TFB1M: variants seen among roughly 807,000 people sequenced by gnomAD.
TFB1M encodes the protein transcription factor B1, mitochondrial, also known as dimethyladenosine transferase 1, mitochondrial.
A neutral mutation model predicts 31.1 loss-of-function variants in TFB1M; 27 were observed. That is an observed-to-expected ratio of 0.87 (90% confidence interval 0.64 to 1.20). The LOEUF (loss-of-function observed/expected upper bound fraction) is 1.20. TFB1M is among the 50% of genes most tolerant of loss of function. TFB1M has a pLI of 0.00. For synonymous variants in TFB1M, 166 were observed against 151.8 expected, an observed-to-expected ratio of 1.09 and a Z score of -0.69; for missense variants, 394 against 418.7, an observed-to-expected ratio of 0.94 and a Z score of 0.51.
chr6:155,304,285 A>G (rs1355533890), intron 2 of TFB1M, among the ~76,000 whole-genome samples: 3 of 152,128 alleles, frequency 2.0e-5, no homozygotes, highest in Non-Finnish European at 4.4e-5. Flanking sequence ...TCTTGTCTCA[A>G]AAAACAAACA....
intron 5 of TFB1M, among the ~76,000 whole-genome samples, chr6:155,273,543 T>TC (rs1785036304): frequency 1.3e-5 from 2 of 152,240 alleles, no homozygotes; most frequent in South Asian, 4.1e-4. Context: ...ATTAACATCC[T>TC]CTACAGTCCT....
downstream of TFB1M, among the ~76,000 whole-genome samples, chr6:155,251,577 G>T (rs146227279): frequency 6.6e-6 from 1 of 152,168 alleles, no homozygotes; most frequent in Non-Finnish European, 1.5e-5. Context: ...ATTAGCCACC[G>T]TGCCTGGCCA....
intron 4 of TFB1M, among the ~76,000 whole-genome samples, chr6:155,295,173 T>C (rs1163918867): frequency 1.3e-5 from 2 of 152,140 alleles, no homozygotes. Context: ...GAGACCATCC[T>C]GGCTAACATG....
At position 155,291,957 on chromosome 6, in the gene TFB1M, G is replaced by A. The variant is rs113078899; in HGVS notation, c.546+4996C>T. Among the ~76,000 whole-genome samples, 996 of 152,266 alleles carry A rather than the reference G, an allele frequency of 6.5e-3. 15 individuals carry two copies. The highest frequency in any genetic ancestry group is 0.022 in the African/African-American group (930 of 41,550). On this transcript the variant is annotated intron_variant, in intron 4 of 6. Coordinates refer to ENST00000367166, the MANE Select transcript of TFB1M (RefSeq NM_016020.4). The stretch of plus-strand genomic sequence containing the variant: ...AGTCTATTGATTTCAAACAAATTCT[G>A]GCATTAAAAAGTTTTGTTCTGAAAC...
Position 155,305,270 on chromosome 6 carries a change from T to TTA in TFB1M, c.285+5916_285+5917dup, listed in dbSNP as rs1160760356. ...TTTATATATATATTAAATTATATAT[T>TTA]TATATATATATATTAAATTATATAT... is the stretch of plus-strand genomic sequence containing the variant. On this transcript the variant is annotated intron_variant, in intron 2 of 6. Coordinates refer to ENST00000367166, the MANE Select transcript of TFB1M (RefSeq NM_016020.4). 6.1e-4 allele frequency among the ~76,000 whole-genome samples: 17 copies of TTA among 27,886 alleles called. 5 individuals carry two copies. The highest frequency in any genetic ancestry group is 1.4e-3 in the African/African-American group (10 of 7,046). 18.3% of individuals were successfully genotyped at this position (27,886 alleles called of 152,430 possible).
chr6:155,275,221 A>T (rs1263681325), intron 5 of TFB1M, among the ~76,000 whole-genome samples: 1 of 152,132 alleles, frequency 6.6e-6, no homozygotes, highest in Admixed American at 6.6e-5. Context: ...GTGAGACTCC[A>T]TCTCAAAAAA....
chr6:155,306,033 T>C (rs1033338156), intron 2 of TFB1M, among the ~76,000 whole-genome samples: 1 of 151,468 alleles, frequency 6.6e-6, no homozygotes, highest in Non-Finnish European at 1.5e-5. Context: ...AAAGTAAAAG[T>C]ACTAAAAATA....
intron 2 of TFB1M, among the ~76,000 whole-genome samples, chr6:155,300,520 A>G (rs1431183300): frequency 6.6e-6 from 1 of 152,216 alleles, no homozygotes; most frequent in East Asian, 1.9e-4. Context: ...GGAAAACGCT[A>G]AAATTTTTTC....
chr6:155,275,671 A>C, intron 5 of TFB1M: 1 of 1,512,984 alleles, frequency 6.6e-7, no homozygotes, highest in South Asian at 1.2e-5. Flanking sequence ...GACAGCCATC[A>C]TTGTTAAACA....
chr6:155,292,079 G>C (rs915079895), intron 4 of TFB1M, among the ~76,000 whole-genome samples: 9 of 152,292 alleles, frequency 5.9e-5, no homozygotes, highest in Non-Finnish European at 1.2e-4. Context: ...AAGGAGATGA[G>C]CCTTAGATGC....
chr6:155,304,276 C>G (rs150685783), intron 2 of TFB1M, among the ~76,000 whole-genome samples: 2,055 of 152,162 alleles, frequency 0.014, 24 homozygotes, highest in South Asian at 0.036. Context: ...GAGCGAAACT[C>G]TTGTCTCAAA....
the TFB1M span, chr6:155,250,429 C>T: frequency 1.2e-6 from 1 of 814,090 alleles, no homozygotes; most frequent in Non-Finnish European, 1.9e-6. Flanking sequence ...GCTTCTCAAG[C>T]CAGCATGCAG....
the TFB1M span, chr6:155,240,520 C>T: frequency 1.9e-6 from 3 of 1,595,516 alleles, no homozygotes; most frequent in Middle Eastern, 3.3e-4. Flanking sequence ...CACCTCTTGT[C>T]CTCTCTCAGA....
At chr6:155,285,644 G>T (rs1289081991) in intron 4 of TFB1M, among the ~76,000 whole-genome samples, 1 of 152,138 alleles carries the variant, frequency 6.6e-6, no homozygotes, top group Non-Finnish European at 1.5e-5. Context: ...AAAAATGAAA[G>T]ATGCTTAAAC....
At chr6:155,307,427 A>G (rs756667872) in intron 2 of TFB1M, among the ~76,000 whole-genome samples, 1 of 152,140 alleles carries the variant, frequency 6.6e-6, no homozygotes, top group Non-Finnish European at 1.5e-5. Context: ...CAACAGGCAA[A>G]GAGAGAGCTT....
chr6:155,252,331 T>A (rs148696599), downstream of TFB1M, among the ~76,000 whole-genome samples: 5,631 of 152,134 alleles, frequency 0.037, 138 homozygotes, highest in Non-Finnish European at 0.057. Context: ...TAACTGGGTG[T>A]GGTAGCACGT....
chr6:155,248,474 C>T, the TFB1M span, among the ~76,000 whole-genome samples: 1 of 152,216 alleles, frequency 6.6e-6, no homozygotes, highest in African/African-American at 2.4e-5. Flanking sequence ...AAGTAAATTA[C>T]CTCAGGTCAC....
chr6:155,288,269 G>T (rs549339313), intron 4 of TFB1M, among the ~76,000 whole-genome samples: 78 of 152,262 alleles, frequency 5.1e-4, no homozygotes, highest in African/African-American at 1.8e-3. Context: ...TCTGTTTGGA[G>T]AGTTGAAATT....
chr6:155,295,765 T>C (rs904214357), intron 4 of TFB1M, among the ~76,000 whole-genome samples: 1 of 152,224 alleles, frequency 6.6e-6, no homozygotes, highest in African/African-American at 2.4e-5. Flanking sequence ...TACAGATTTT[T>C]CCCTTATCAT....
Sources: allele counts gnomAD v4.1 joint callset (sites outside exome capture counted in the v4.1 genomes callset), GRCh38; gene constraint gnomAD v4.1.1; transcripts MANE v1.5; gene names NCBI Gene and HGNC (gene_info 2026-07-23, HGNC 2026-07-21).